Variants in CDK14 observed in about 807,000 individuals in gnomAD.
The protein encoded by CDK14 is cyclin dependent kinase 14, also known as cyclin-dependent kinase 14.
In CDK14, 34 loss-of-function variants were observed where a neutral mutation model predicts 60.7. The observed-to-expected ratio is 0.56, with a 90% CI of 0.43 to 0.75. The LOEUF is 0.75. Ranked by LOEUF, CDK14 falls within the 30% of genes least tolerant of loss-of-function variation. The probability of loss-of-function intolerance (pLI) is 0.00; values close to 1 mark genes in which losing one functional copy is unlikely to be tolerated. For synonymous variants in CDK14, 197 were observed against 203.7 expected (o/e 0.97, Z 0.28); for missense variants, 482 against 564.1 (o/e 0.85, Z 1.47).
chr7:90,753,261 C>G (rs182628866), intron 4 of CDK14, among the ~76,000 whole-genome samples: 1 of 152,278 alleles, frequency 6.6e-6, no homozygotes, highest in African/African-American at 2.4e-5. Context: ...AAACCAAATC[C>G]AGCAGCACAT....
intron 14 of CDK14, among the ~76,000 whole-genome samples, chr7:91,173,643 G>C (rs1801608753): frequency 6.6e-6 from 1 of 152,224 alleles, no homozygotes; most frequent in African/African-American, 2.4e-5. Context: ...GCCTCACTTG[G>C]GAAGCACAAG....
intron 9 of CDK14, among the ~76,000 whole-genome samples, chr7:90,974,006 C>T (rs1562851964): frequency 6.6e-6 from 1 of 152,094 alleles, no homozygotes; most frequent in African/African-American, 2.4e-5. Context: ...ATATTTCAGT[C>T]CTTATCTCAA....
rs116678462 is a variant in CDK14 at position 91,020,457 on chromosome 7, A to C, written c.1042-25440A>C. Reference sequence around the variant, plus strand: ...AAAAACCCTTGCTCACATGGATCACATATTCCAGTCAGAGAGATAGACAGT... The same window carrying C: ...AAAAACCCTTGCTCACATGGATCACCTATTCCAGTCAGAGAGATAGACAGT... On this transcript the variant is annotated intron_variant, in intron 10 of 14. Transcript: ENST00000380050. Among the ~76,000 whole-genome samples the C allele has an allele frequency of 4.0e-3, 603 of 152,346 alleles. 2 individuals are homozygous for C. The highest frequency in any genetic ancestry group is 0.014 in the African/African-American group (565 of 41,582).
intron 12 of CDK14, among the ~76,000 whole-genome samples, chr7:91,080,143 T>C (rs1798443069): frequency 6.6e-6 from 1 of 152,188 alleles, no homozygotes; most frequent in Admixed American, 6.5e-5. Context: ...CATTTCAAGG[T>C]TTATGCTGGA....
intron 4 of CDK14, among the ~76,000 whole-genome samples, chr7:90,750,183 C>G (rs1803771939): frequency 6.6e-6 from 1 of 151,472 alleles, no homozygotes; most frequent in African/African-American, 2.4e-5. Flanking sequence ...CACACACACA[C>G]ACACACACAC....
intron 13 of CDK14, among the ~76,000 whole-genome samples, chr7:91,113,038 A>C (rs914581559): frequency 2.0e-5 from 3 of 152,196 alleles, no homozygotes; most frequent in Non-Finnish European, 4.4e-5. Flanking sequence ...TGTCCAAAAA[A>C]ATGATCTGAA....
chr7:90,872,553 C>T (rs984823175), intron 6 of CDK14, among the ~76,000 whole-genome samples: 1 of 152,158 alleles, frequency 6.6e-6, no homozygotes, highest in African/African-American at 2.4e-5. Context: ...AACTTCTTTT[C>T]TATCCTTTTC....
intron 4 of CDK14, among the ~76,000 whole-genome samples, chr7:90,755,143 A>G (rs1804004234): frequency 6.6e-6 from 1 of 152,196 alleles, no homozygotes; most frequent in Non-Finnish European, 1.5e-5. Flanking sequence ...AAATTGTTCT[A>G]CCAAAAAGAC....
At chr7:90,760,840 T>C (rs908346480) in intron 4 of CDK14, among the ~76,000 whole-genome samples, 6 of 152,220 alleles carry the variant, frequency 3.9e-5, no homozygotes, top group African/African-American at 9.6e-5. Context: ...TTCCTTCAGA[T>C]CTGTGTATAG....
chr7:90,726,082 A>G (rs1554441588), intron 2 of CDK14, among the ~76,000 whole-genome samples: 1 of 152,162 alleles, frequency 6.6e-6, no homozygotes, highest in African/African-American at 2.4e-5. Flanking sequence ...GATTTTAAGC[A>G]TACATATTCA....
intron 10 of CDK14, among the ~76,000 whole-genome samples, chr7:90,992,097 A>T (rs1237452691): frequency 6.6e-6 from 1 of 152,188 alleles, no homozygotes; most frequent in Admixed American, 6.5e-5. Context: ...CTAATAAAGA[A>T]AGTTCTATGC....
chr7:90,728,167 C>CT (rs59236853), intron 3 of CDK14, among the ~76,000 whole-genome samples: 24 of 151,964 alleles, frequency 1.6e-4, no homozygotes, highest in Non-Finnish European at 2.8e-4. Flanking sequence ...CCTTTATCTG[C>CT]TTTTTTGTTT....
intron 1 of CDK14, among the ~76,000 whole-genome samples, chr7:90,601,383 T>G (rs1317351351): frequency 6.6e-6 from 1 of 152,226 alleles, no homozygotes; most frequent in Non-Finnish European, 1.5e-5. Flanking sequence ...GTTGTCACTG[T>G]TAACTGCTGT....
At chr7:90,985,808 C>CA (rs1359303111) in intron 10 of CDK14, among the ~76,000 whole-genome samples, 3 of 152,272 alleles carry the variant, frequency 2.0e-5, no homozygotes, top group African/African-American at 7.2e-5. Flanking sequence ...AAACCATCCT[C>CA]AAAGTGTTGT....
intron 11 of CDK14, among the ~76,000 whole-genome samples, chr7:91,068,807 TAAAAAAAAA>T (rs57179045): frequency 2.0e-4 from 14 of 68,794 alleles, no homozygotes; most frequent in African/African-American, 3.1e-4. Context: ...TACCTTATAT[TAAAAAAAAA>T]AAAAAAAAAA....
At chr7:90,906,041 T>C (rs1216778152) in intron 7 of CDK14, among the ~76,000 whole-genome samples, 5 of 152,128 alleles carry the variant, frequency 3.3e-5, no homozygotes, top group East Asian at 3.8e-4. Flanking sequence ...GCAGGTGAAA[T>C]TATTCTCAAA....
intron 2 of CDK14, among the ~76,000 whole-genome samples, chr7:90,612,499 C>T (rs1261368387): frequency 1.3e-5 from 2 of 152,082 alleles, no homozygotes; most frequent in South Asian, 2.1e-4. Flanking sequence ...AGGCCAGGCA[C>T]GGTGGCTCAC....
At chr7:90,835,573 A>G (rs1554349652) in intron 5 of CDK14, among the ~76,000 whole-genome samples, 1 of 152,148 alleles carries the variant, frequency 6.6e-6, no homozygotes, top group Non-Finnish European at 1.5e-5. Flanking sequence ...ATGAAGTGCT[A>G]GGTAAATGTG....
At chr7:90,599,920 A>T (rs1799280200) in intron 1 of CDK14, among the ~76,000 whole-genome samples, 1 of 152,222 alleles carries the variant, frequency 6.6e-6, no homozygotes, top group Non-Finnish European at 1.5e-5. Context: ...AATAATAATA[A>T]TTCTAAATAC....
Sources: gnomAD v4.1 joint callset for allele counts (sites outside exome capture counted in the v4.1 genomes callset) on GRCh38, gnomAD v4.1.1 for gene constraint, MANE v1.5 for transcripts, NCBI Gene and HGNC (gene_info 2026-07-23, HGNC 2026-07-21) for gene names.